Variants in BBS9 observed in about 807,000 individuals in gnomAD.
BBS9 encodes the protein Bardet-Biedl syndrome 9, also known as protein PTHB1.
Under a neutral mutation model 117.7 loss-of-function variants are expected in BBS9, and 89 were observed. The ratio of observed to expected loss-of-function variants is 0.76; its 90% CI spans 0.64 to 0.90. The LOEUF (loss-of-function observed/expected upper bound fraction) is 0.90, where lower values mean the gene tolerates loss of function less well. Among genes scored for constraint, BBS9 ranks in the 40% least tolerant of loss-of-function variants. BBS9 has a pLI of 0.00. For missense variants in BBS9, 982 were observed against 1,042.2 expected (o/e 0.94, Z 0.80); for synonymous variants, 379 against 370.9 (o/e 1.02, Z -0.25).
chr7:33,311,772 G>T (rs1424543142), intron 9 of BBS9, among the ~76,000 whole-genome samples: 2 of 151,358 alleles, frequency 1.3e-5, no homozygotes, highest in South Asian at 2.1e-4. Context: ...AGCCAAGATC[G>T]CACCACTGCA....
At chr7:33,465,872 C>A (rs1275215618) in intron 19 of BBS9, among the ~76,000 whole-genome samples, 5 of 152,004 alleles carry the variant, frequency 3.3e-5, no homozygotes, top group Non-Finnish European at 7.4e-5. Flanking sequence ...TGAAAAAATA[C>A]CCTTTCTAGC....
At chr7:33,393,988 TA>T (rs1257196412) in intron 19 of BBS9, among the ~76,000 whole-genome samples, 1 of 152,156 alleles carries the variant, frequency 6.6e-6, no homozygotes, top group Non-Finnish European at 1.5e-5. Flanking sequence ...TTATTTTTGC[TA>T]GCATGCCTTG....
Position 33,374,456 on chromosome 7 carries a change from G to A in BBS9, c.1789+6594G>A, listed in dbSNP as rs190587513. Among the ~76,000 whole-genome samples the A allele has an allele frequency of 4.1e-4, 63 of 151,950 alleles. 1 individual carries two copies. Among genetic ancestry groups the A allele is most frequent in the African/African-American group, 1.5e-3 (60 of 41,352 alleles). On this transcript the variant is annotated intron_variant, in intron 17 of 22. Coordinates refer to ENST00000242067, the MANE Select transcript of BBS9 (RefSeq NM_198428.3). ...TACAGTGATTCAGCAATATATTACT[G>A]TTAATATTTATTTTAAAATTTCTTA...
intron 21 of BBS9, among the ~76,000 whole-genome samples, chr7:33,536,861 A>T (rs1851528710): frequency 6.6e-6 from 1 of 151,588 alleles, no homozygotes; most frequent in Non-Finnish European, 1.5e-5. Context: ...ACATGATAAC[A>T]TTATCATGAG....
chr7:33,138,765 G>T (rs1045030597), intron 1 of BBS9, among the ~76,000 whole-genome samples: 3 of 146,206 alleles, frequency 2.1e-5, no homozygotes, highest in South Asian at 2.1e-4. Flanking sequence ...TTTTTTTGGT[G>T]GGGGGGAAAG....
intron 1 of BBS9, among the ~76,000 whole-genome samples, chr7:33,137,045 T>A (rs1790594902): frequency 6.6e-6 from 1 of 152,092 alleles, no homozygotes; most frequent in Non-Finnish European, 1.5e-5. Context: ...CAGCAGAGGG[T>A]CTCCTCTGTT....
chr7:33,383,706 G>T lies in BBS9; in HGVS notation c.1830G>T (p.Trp610Cys), dbSNP rs765676769. 1.9e-6 allele frequency: 3 copies of T among 1,610,462 alleles called. No individual in the cohort carries two copies. The highest frequency in any genetic ancestry group is 3.3e-5 in the Admixed American group (2 of 59,740). ...AGAGTGAACAATTTGAAGATCTTTG[G>T]CTCATAACCAATGAGCTTATTCTTC... ...RIQSEQFEDL[W>C]LITNELILRL... The change falls in exon 18 of 23, where the codon TGG becomes TGT. Residue 610 changes from tryptophan (W) to cysteine (C), a missense_variant. Physicochemically the swap from Trp to Cys is radical, Grantham distance 215 (BLOSUM62 -2). Coordinates refer to ENST00000242067, the MANE Select transcript of BBS9 (RefSeq NM_198428.3).
intron 20 of BBS9, among the ~76,000 whole-genome samples, chr7:33,521,298 G>A (rs752579998): frequency 6.6e-6 from 1 of 152,186 alleles, no homozygotes; most frequent in Non-Finnish European, 1.5e-5. Context: ...CTTTCTGCTT[G>A]CACTGCAGCC....
intron 4 of BBS9, among the ~76,000 whole-genome samples, chr7:33,172,393 A>G (rs1796720038): frequency 6.6e-6 from 1 of 151,508 alleles, no homozygotes; most frequent in Non-Finnish European, 1.5e-5. Flanking sequence ...AAAAAAAATA[A>G]TAAAAAAAAA....
intron 12 of BBS9, 37 bp from the exon 13 acceptor site, chr7:33,349,030 AT>A: frequency 1.5e-6 from 2 of 1,373,978 alleles, no homozygotes; most frequent in Non-Finnish European, 2.1e-6. Context: ...TTTGAATAAA[AT>A]GTAATTTTCT....
At chr7:33,489,088 A>G (rs555921208) in intron 19 of BBS9, among the ~76,000 whole-genome samples, 15 of 143,126 alleles carry the variant, frequency 1.0e-4, no homozygotes, top group African/African-American at 3.4e-4. Context: ...CGCCTCCTGG[A>G]TTCAAGCAAT....
Position 33,352,851 on chromosome 7 carries a change from A to T in BBS9, c.1538-8A>T. ...CCTACCCATTTTTGCATTGCCTGTG[A>T]TGGACAGATCGAAATCCTGATGGTA... On this transcript the variant is annotated splice_polypyrimidine_tract_variant and splice_region_variant and intron_variant, in intron 14 of 22. Coordinates refer to ENST00000242067, the MANE Select transcript of BBS9 (RefSeq NM_198428.3). The T allele has an allele frequency of 5.0e-6, 8 of 1,612,822 alleles. No homozygotes were observed. The highest frequency in any genetic ancestry group is 6.8e-6 in the Non-Finnish European group (8 of 1,178,966).
chr7:33,571,830 T>C (rs1257277849), intron 21 of BBS9, among the ~76,000 whole-genome samples: 2 of 152,060 alleles, frequency 1.3e-5, no homozygotes, highest in African/African-American at 4.8e-5. Flanking sequence ...ATACCATAAA[T>C]ATGTAGTACA....
chr7:33,561,757 A>G (rs1028595263), intron 21 of BBS9, among the ~76,000 whole-genome samples: 1 of 152,218 alleles, frequency 6.6e-6, no homozygotes, highest in Non-Finnish European at 1.5e-5. Context: ...AAAATGCTTT[A>G]ATTTGTGATC....
At chr7:33,143,437 T>G (rs183442608) in intron 1 of BBS9, among the ~76,000 whole-genome samples, 1 of 152,262 alleles carries the variant, frequency 6.6e-6, no homozygotes, top group East Asian at 1.9e-4. Context: ...CGAATATATT[T>G]TTGTTTTTTT....
chr7:33,368,434 G>A (rs931266820), intron 17 of BBS9, among the ~76,000 whole-genome samples: 2 of 152,020 alleles, frequency 1.3e-5, no homozygotes, highest in East Asian at 1.9e-4. Context: ...AATAATAGTC[G>A]AAACTAGTCA....
chr7:33,531,956 C>T (rs1206997508), intron 20 of BBS9, among the ~76,000 whole-genome samples: 1 of 152,258 alleles, frequency 6.6e-6, no homozygotes, highest in African/African-American at 2.4e-5. Flanking sequence ...ATCTCACCAT[C>T]TCTGTGCAGC....
chr7:33,274,511 C>T (rs934967262), intron 9 of BBS9, among the ~76,000 whole-genome samples: 1 of 152,074 alleles, frequency 6.6e-6, no homozygotes, highest in Non-Finnish European at 1.5e-5. Flanking sequence ...AGAAATGAGC[C>T]ATCTAAGTGA....
intron 1 of BBS9, among the ~76,000 whole-genome samples, chr7:33,133,780 G>A (rs1789997708): frequency 6.6e-6 from 1 of 151,932 alleles, no homozygotes; most frequent in Admixed American, 6.6e-5. Flanking sequence ...AAGTTTTTTT[G>A]TATGCACATA....
Sources: allele counts gnomAD v4.1 joint callset (sites outside exome capture counted in the v4.1 genomes callset), GRCh38; gene constraint gnomAD v4.1.1; transcripts MANE v1.5; gene names NCBI Gene and HGNC (gene_info 2026-07-23, HGNC 2026-07-21).